The following CNTNAP2 variants were observed in gnomAD, a reference collection of about 807,000 sequenced individuals.
CNTNAP2 encodes the protein contactin-associated protein-like 2.
A neutral mutation model predicts 155.2 loss-of-function variants in CNTNAP2; 98 were observed. The ratio of observed to expected loss-of-function variants is 0.63; its 90% CI spans 0.54 to 0.75. The LOEUF is 0.75. Ranked by LOEUF, CNTNAP2 falls within the 30% of genes least tolerant of loss-of-function variation. The pLI is 0.00. For missense variants in CNTNAP2, 1,727 were observed against 1,688.1 expected, an observed-to-expected ratio of 1.02 and a Z score of -0.40; for synonymous variants, 651 against 631.2, an observed-to-expected ratio of 1.03 and a Z score of -0.47.
intron 1 of CNTNAP2, among the ~76,000 whole-genome samples, chr7:146,503,714 T>C (rs1406432122): frequency 2.6e-5 from 4 of 152,246 alleles, no homozygotes; most frequent in Non-Finnish European, 5.9e-5. Flanking sequence ...ATGTGTGTTC[T>C]TGGTGCCTTT....
intron 8 of CNTNAP2, among the ~76,000 whole-genome samples, chr7:147,139,289 G>A (rs937653677): frequency 2.6e-5 from 4 of 152,032 alleles, no homozygotes; most frequent in African/African-American, 9.7e-5. Context: ...TTTTGTAGTG[G>A]ATAAATGAGT....
intron 8 of CNTNAP2, among the ~76,000 whole-genome samples, chr7:147,189,495 C>T (rs759051885): frequency 1.3e-5 from 2 of 152,078 alleles, no homozygotes; most frequent in Admixed American, 6.5e-5. Context: ...GGAAACATAA[C>T]AGGAAACATA....
chr7:147,714,967 A>G (rs1326491640), intron 13 of CNTNAP2, among the ~76,000 whole-genome samples: 1 of 152,096 alleles, frequency 6.6e-6, no homozygotes. Flanking sequence ...TTTTTCACCC[A>G]GCAAATTTTT....
intron 13 of CNTNAP2, among the ~76,000 whole-genome samples, chr7:147,849,312 A>G (rs1390280843): frequency 2.0e-5 from 3 of 152,210 alleles, no homozygotes; most frequent in Admixed American, 1.3e-4. Context: ...CAGATTGAGT[A>G]TTTTCATTTC....
chr7:148,104,318 C>T (rs1321751334), intron 15 of CNTNAP2, among the ~76,000 whole-genome samples: 1 of 152,190 alleles, frequency 6.6e-6, no homozygotes. Context: ...CAACCCATTA[C>T]CCTGGGTATA....
intron 5 of CNTNAP2, among the ~76,000 whole-genome samples, chr7:147,114,691 G>A (rs572996342): frequency 1.1e-3 from 171 of 152,104 alleles, no homozygotes; most frequent in African/African-American, 3.8e-3. Flanking sequence ...TTTATTTTGA[G>A]CTTATGTGTG....
At chr7:146,775,214 C>T (rs1390435542) in intron 2 of CNTNAP2, among the ~76,000 whole-genome samples, 2 of 152,082 alleles carry the variant, frequency 1.3e-5, no homozygotes, top group Admixed American at 6.5e-5. Context: ...TTTAGTTAGA[C>T]AAGATGAATA....
At chr7:147,531,147 C>A (rs1436134459) in intron 11 of CNTNAP2, among the ~76,000 whole-genome samples, 1 of 152,138 alleles carries the variant, frequency 6.6e-6, no homozygotes, top group African/African-American at 2.4e-5. Flanking sequence ...AGCCTCCTTC[C>A]CAGATGTTTC....
chr7:147,578,184 A>G (rs1800432262), intron 12 of CNTNAP2, among the ~76,000 whole-genome samples: 1 of 152,140 alleles, frequency 6.6e-6, no homozygotes, highest in Non-Finnish European at 1.5e-5. Context: ...CATGTTTGAT[A>G]CTTTTGATTG....
chr7:147,127,945 C>T (rs1252974275), intron 6 of CNTNAP2, among the ~76,000 whole-genome samples: 2 of 151,974 alleles, frequency 1.3e-5, no homozygotes, highest in Non-Finnish European at 2.9e-5. Flanking sequence ...AATTTTGTAT[C>T]ATATAAATTT....
chr7:147,836,618 T>C (rs1563105953), intron 13 of CNTNAP2, among the ~76,000 whole-genome samples: 2 of 152,238 alleles, frequency 1.3e-5, no homozygotes, highest in Non-Finnish European at 2.9e-5. Context: ...TTGTTTGTAA[T>C]TTTTCATTTA....
chr7:148,059,751 T>C (rs1457460328), intron 15 of CNTNAP2, among the ~76,000 whole-genome samples: 1 of 148,818 alleles, frequency 6.7e-6, no homozygotes, highest in African/African-American at 2.4e-5. Context: ...ACTATACATA[T>C]ATTTATATTT....
Position 147,504,698 on chromosome 7 carries a change from AAAAC to A in CNTNAP2, c.1777+18661_1777+18664del, listed in dbSNP as rs747823165. On this transcript the variant is annotated intron_variant, in intron 11 of 23. Transcript: ENST00000361727. ...AATGAGATTCTGTCTTAAAAAAAAA[AAAAC>A]AAAAAACCTCTGAGAAAGACCATAT... Among the ~76,000 whole-genome samples, 1,046 of 119,796 alleles carry A rather than the reference AAAAC, an allele frequency of 8.7e-3. 10 individuals are homozygous for A. Among genetic ancestry groups the A allele is most frequent in the Middle Eastern group, 0.027 (6 of 226 alleles). The allele number at this position is 119,796 out of a possible 152,430, so 78.6% of individuals were successfully genotyped here.
chr7:148,127,540 T>C (rs1027009072), intron 16 of CNTNAP2, among the ~76,000 whole-genome samples: 1 of 152,218 alleles, frequency 6.6e-6, no homozygotes, highest in Admixed American at 6.5e-5. Context: ...AATGTCCTAC[T>C]AATCTTAGGA....
intron 13 of CNTNAP2, chr7:147,671,661 G>A (rs1195677159): frequency 6.6e-6 from 1 of 152,174 alleles, no homozygotes; most frequent in Non-Finnish European, 1.5e-5. Context: ...TATTTGCTGT[G>A]ACATGATAAA....
At chr7:147,807,269 G>C (rs1798105338) in intron 13 of CNTNAP2, among the ~76,000 whole-genome samples, 1 of 141,016 alleles carries the variant, frequency 7.1e-6, no homozygotes, top group Non-Finnish European at 1.5e-5. Flanking sequence ...GCTTCAGTGA[G>C]CCATGGTTAC....
At chr7:147,084,389 G>A (rs867313618) in intron 4 of CNTNAP2, among the ~76,000 whole-genome samples, 2 of 89,336 alleles carry the variant, frequency 2.2e-5, no homozygotes, top group Admixed American at 1.4e-4. Context: ...TATGCATAAT[G>A]CTATATATGT....
intron 15 of CNTNAP2, among the ~76,000 whole-genome samples, chr7:148,040,147 G>A (rs540836570): frequency 6.6e-6 from 1 of 152,166 alleles, no homozygotes; most frequent in South Asian, 2.1e-4. Context: ...TCTAGCTTAA[G>A]GCAAATGTTT....
rs535237030 is a variant in CNTNAP2 at position 147,129,687 on chromosome 7, C to G, written c.1083+851C>G. Among the ~76,000 whole-genome samples the G allele has an allele frequency of 3.9e-5, 6 of 152,204 alleles. No homozygotes were observed. In the East Asian group the frequency reaches 9.7e-4, roughly 25 times the overall value. On this transcript the variant is annotated intron_variant, in intron 7 of 23. Transcript: ENST00000361727. Reference sequence around the variant, plus strand: ...TGTCATGAGTGTTTGCACTGTGCTCCAAAAGAGCTCTGATGGTCTCGTTGC... The same window carrying G: ...TGTCATGAGTGTTTGCACTGTGCTCGAAAAGAGCTCTGATGGTCTCGTTGC...
Sources: gnomAD v4.1 joint callset for allele counts (sites outside exome capture counted in the v4.1 genomes callset) on GRCh38, gnomAD v4.1.1 for gene constraint, MANE v1.5 for transcripts, NCBI Gene and HGNC (gene_info 2026-07-23, HGNC 2026-07-21) for gene names.